The following GAB3 variants were observed in gnomAD, a reference collection of about 807,000 sequenced individuals.
The protein encoded by GAB3 is GRB2 associated binding protein 3, also known as GRB2-associated-binding protein 3.
GAB3 carries 12 observed loss-of-function variants against 40.4 expected under a neutral mutation model. The observed-to-expected ratio is 0.30, with a 90% CI of 0.19 to 0.48. The LOEUF (loss-of-function observed/expected upper bound fraction) is 0.48, where lower values mean the gene tolerates loss of function less well. Ranked by LOEUF, GAB3 falls within the 20% of genes least tolerant of loss-of-function variation. The pLI is 0.99. For missense variants in GAB3, 381 were observed against 461.9 expected (o/e 0.82, Z 1.61); for synonymous variants, 154 against 176.7 (o/e 0.87, Z 1.02).
At chrX:154,719,332 G>A (rs782647508) in intron 1 of GAB3, among the ~76,000 whole-genome samples, 5 of 112,248 alleles carry the variant, frequency 4.5e-5, no homozygotes, top group African/African-American at 1.3e-4. Context: ...ATAAACAGAC[G>A]ATTGCAATCA....
intron 2 of GAB3, among the ~76,000 whole-genome samples, chrX:154,714,214 A>C (rs1391159162): frequency 6.3e-5 from 7 of 111,414 alleles, no homozygotes; most frequent in African/African-American, 2.3e-4. Context: ...TCCCTTTTGA[A>C]CCAAGTTAAT....
At chrX:154,703,455 G>A (rs887986509) in intron 4 of GAB3, among the ~76,000 whole-genome samples, 4 of 111,061 alleles carry the variant, frequency 3.6e-5, no homozygotes, top group Admixed American at 9.6e-5. Flanking sequence ...TAAATGATGA[G>A]AACACATGGA....
At chrX:154,742,760 T>G in intron 1 of GAB3, among the ~76,000 whole-genome samples, 1 of 110,359 alleles carries the variant, frequency 9.1e-6, no homozygotes, top group Admixed American at 9.7e-5. Flanking sequence ...ATTCCACTTA[T>G]ATGAAATTTC....
chrX:154,730,437 T>C (rs1163997751), intron 1 of GAB3, among the ~76,000 whole-genome samples: 1 of 111,717 alleles, frequency 9.0e-6, no homozygotes, highest in Non-Finnish European at 1.9e-5. Flanking sequence ...CTAGGAATTT[T>C]GGATGTGGTC....
At chrX:154,701,887 T>A (rs1202764205) in intron 4 of GAB3, among the ~76,000 whole-genome samples, 1 of 111,625 alleles carries the variant, frequency 9.0e-6, no homozygotes, top group Non-Finnish European at 1.9e-5. Context: ...AGAAAAATAT[T>A]CCATGTTCAT....
chrX:154,688,004 A>C (rs1358039525), intron 8 of GAB3, among the ~76,000 whole-genome samples: 2 of 112,400 alleles, frequency 1.8e-5, no homozygotes, highest in East Asian at 5.6e-4. Flanking sequence ...CTCACATCTC[A>C]TACAAAAATA....
At chrX:154,742,013 A>G (rs1480945992) in intron 1 of GAB3, among the ~76,000 whole-genome samples, 1 of 112,131 alleles carries the variant, frequency 8.9e-6, no homozygotes, top group Non-Finnish European at 1.9e-5. Context: ...GGAAACACAG[A>G]GCCAAACCAT....
chrX:154,710,345 GAAT>G (rs2070918293), intron 4 of GAB3, among the ~76,000 whole-genome samples: 1 of 111,345 alleles, frequency 9.0e-6, no homozygotes, highest in Non-Finnish European at 1.9e-5. Flanking sequence ...ATTGACCCTA[GAAT>G]AGCCATTATA....
Position 154,751,056 on chromosome X carries a change from G to T in GAB3, c.-31C>A. 1.3e-6 allele frequency: 1 copy of T among 784,411 alleles called. No homozygotes were observed. Among genetic ancestry groups the T allele is most frequent in the Non-Finnish European group, 1.5e-6 (1 of 657,263 alleles). The allele number at this position is 784,411 out of a possible 1,213,427, so 64.6% of individuals were successfully genotyped here. On this transcript the variant is annotated 5_prime_UTR_variant, in exon 1 of 10. Transcript: ENST00000424127. ...CCGCCGCCGCCGCTTCCTCCAGCTG[G>T]GCCAGCCGCCCGCGGCAGAAGGAAG...
chrX:154,710,462 G>C (rs782318960), intron 4 of GAB3, among the ~76,000 whole-genome samples: 6 of 111,947 alleles, frequency 5.4e-5, no homozygotes, highest in Non-Finnish European at 9.4e-5. Context: ...GGCTCCAAGG[G>C]ATAGAAAGCA....
Position 154,697,160 on chromosome X carries a change from A to T in GAB3, c.1399T>A (p.Ser467Thr). 8.3e-7 allele frequency: 1 copy of T among 1,204,282 alleles called. No homozygotes were observed. Among genetic ancestry groups the T allele is most frequent in the South Asian group, 1.8e-5 (1 of 55,563 alleles). Reference sequence around the variant, plus strand: ...GGCACAGTGCGGGTCCTGGTAAGAGATGCATGTTCCCGGATGATCGAGAGG... The same window carrying T: ...GGCACAGTGCGGGTCCTGGTAAGAGTTGCATGTTCCCGGATGATCGAGAGG... ...RNLSIIREHA[S>T]LTRTRTVPCS... The change falls in exon 7 of 10, where the codon TCT becomes ACT. Residue 467 changes from serine to threonine, a missense_variant. Transcript: ENST00000424127.
At chrX:154,728,965 C>G (rs186515865) in intron 1 of GAB3, among the ~76,000 whole-genome samples, 1 of 111,737 alleles carries the variant, frequency 8.9e-6, no homozygotes, top group African/African-American at 3.3e-5. Context: ...TCACACAGAG[C>G]TACACATGCA....
chrX:154,700,192 A>G (rs995410385), intron 4 of GAB3, 133 bp from the exon 5 acceptor site: 42 of 468,778 alleles, frequency 9.0e-5, no homozygotes, highest in Non-Finnish European at 1.4e-4. Context: ...CATTTCCCCA[A>G]CAGATGAAAA....
intron 8 of GAB3, among the ~76,000 whole-genome samples, chrX:154,690,507 C>T (rs1408871395): frequency 1.4e-4 from 16 of 112,107 alleles, no homozygotes; most frequent in African/African-American, 5.2e-4. Flanking sequence ...AAAACTTTCG[C>T]AACCTACTCA....
chrX:154,703,577 A>G (rs2070767230), intron 4 of GAB3, among the ~76,000 whole-genome samples: 1 of 111,920 alleles, frequency 8.9e-6, no homozygotes, highest in Non-Finnish European at 1.9e-5. Context: ...CTGGGTGATG[A>G]AATAGTCAAC....
At chrX:154,697,880 C>A (rs898462531) in intron 6 of GAB3, among the ~76,000 whole-genome samples, 1 of 111,918 alleles carries the variant, frequency 8.9e-6, no homozygotes, top group African/African-American at 3.3e-5. Flanking sequence ...TTGGTATCTG[C>A]CCCAACCCTT....
rs1557257582 is a variant in GAB3 at position 154,716,150 on chromosome X, G to A, written c.252C>T (p.Phe84=). Residue 84 remains phenylalanine (F), a synonymous_variant, in exon 2 of 10, where the codon TTC becomes TTT. Transcript: ENST00000424127. ...SFVRKEFQNN[F]VFIVKTTSRT... is the part of the protein sequence containing the mutation. ...GGGAAGTAGTCTTGACAATGAACACGAAATTATTCTGAAATTCCTTCCGAA... is the reference window on the plus strand; with the variant it reads ...GGGAAGTAGTCTTGACAATGAACACAAAATTATTCTGAAATTCCTTCCGAA... 16 of 1,210,989 alleles carry A rather than the reference G, an allele frequency of 1.3e-5. No homozygotes were observed. In the East Asian group the frequency reaches 1.8e-4, roughly 13 times the overall value.
intron 4 of GAB3, among the ~76,000 whole-genome samples, chrX:154,708,327 A>G (rs1312847427): frequency 8.9e-6 from 1 of 112,502 alleles, no homozygotes; most frequent in Non-Finnish European, 1.9e-5. Context: ...TGACAATGAT[A>G]TTTTGGATAT....
chrX:154,699,790 C>T (rs2070713992), intron 5 of GAB3, among the ~76,000 whole-genome samples: 1 of 111,725 alleles, frequency 9.0e-6, no homozygotes, highest in Admixed American at 9.5e-5. Flanking sequence ...AGTAGCTATA[C>T]CAAGTTGAGC....
Sources: gnomAD v4.1 joint callset for allele counts (sites outside exome capture counted in the v4.1 genomes callset) on GRCh38, gnomAD v4.1.1 for gene constraint, MANE v1.5 for transcripts, NCBI Gene and HGNC (gene_info 2026-07-23, HGNC 2026-07-21) for gene names.